Variants in TRIM49C observed in about 807,000 individuals in gnomAD.
The protein encoded by TRIM49C is tripartite motif containing 49C, also known as tripartite motif-containing protein 49C.
Under a neutral mutation model 21.4 loss-of-function variants are expected in TRIM49C, and 6 were observed. The ratio of observed to expected loss-of-function variants is 0.28; its 90% CI spans 0.15 to 0.55. The LOEUF (loss-of-function observed/expected upper bound fraction) is 0.55, where lower values mean the gene tolerates loss of function less well. Among genes scored for constraint, TRIM49C ranks in the 20% least tolerant of loss-of-function variants. TRIM49C has a pLI of 0.94. For synonymous variants in TRIM49C, 57 were observed against 148.1 expected (o/e 0.38, Z 4.47); for missense variants, 161 against 442.4 (o/e 0.36, Z 5.71).
the TRIM49C span, chr11:90,053,869 T>C: frequency 1.4e-5 from 2 of 144,286 alleles, no homozygotes; most frequent in African/African-American, 5.1e-5. Flanking sequence ...CTCCCTTCTT[T>C]TACATTATTA....
the TRIM49C span, chr11:90,053,325 T>G: frequency 6.9e-6 from 1 of 145,248 alleles, no homozygotes; most frequent in African/African-American, 2.5e-5. Context: ...CTCCCTGTCC[T>G]GCCAGTTGAC....
the TRIM49C span, among the ~76,000 whole-genome samples, chr11:90,066,738 TATA>T: frequency 7.7e-6 from 1 of 129,958 alleles, no homozygotes; most frequent in Admixed American, 9.6e-5. Context: ...TTAAAAATTA[TATA>T]ATAATTATTT....
At chr11:90,045,905 TG>T (rs1950798533), downstream of TRIM49C, among the ~76,000 whole-genome samples, 3 of 120,592 alleles carry the variant, frequency 2.5e-5, 1 homozygote, top group South Asian at 9.3e-4. Context: ...TGATATTTAT[TG>T]GCTGTGGGAT....
At chr11:90,046,517 TG>T (rs528182717), downstream of TRIM49C, among the ~76,000 whole-genome samples, 76 of 123,330 alleles carry the variant, frequency 6.2e-4, 15 homozygotes, top group Non-Finnish European at 1.0e-3. Flanking sequence ...GGAGAGTGTA[TG>T]TGTCCATTTC....
At chr11:90,051,814 C>T in the TRIM49C span, 1 of 342,434 alleles carries the variant, frequency 2.9e-6, no homozygotes, top group East Asian at 6.0e-5. Flanking sequence ...CCCTCAAACC[C>T]CGTGTCAAGC....
At chr11:90,066,868 A>T in the TRIM49C span, among the ~76,000 whole-genome samples, 4 of 137,860 alleles carry the variant, frequency 2.9e-5, no homozygotes, top group Admixed American at 3.4e-4. Context: ...CCGAGGTTCA[A>T]GTGATTCTCC....
rs1231947639 is a variant in TRIM49C, at chr11:90,033,362, C to T, written c.-5+780C>T. Among the ~76,000 whole-genome samples the T allele has an allele frequency of 1.5e-5, 2 of 134,338 alleles. 1 individual carries two copies. The highest frequency in any genetic ancestry group is 3.2e-5 in the Non-Finnish European group (2 of 62,302). 88.1% of individuals were successfully genotyped at this position (134,338 alleles called of 152,430 possible). A position where few individuals can be genotyped will look rare whatever the true frequency, so the allele number is the denominator to read the frequency against. The stretch of plus-strand genomic sequence containing the variant: ...TCCAGACAGAACCATAGGATGTATA[C>T]ATATATGTGTGCAGATACATTCATG... On this transcript the variant is annotated intron_variant, in intron 2 of 7. Transcript: ENST00000448984.
intron 7 of TRIM49C, 47 bp from the exon 8 acceptor site, chr11:90,041,004 A>C (rs1248565446): frequency 6.8e-7 from 1 of 1,461,648 alleles, no homozygotes; most frequent in African/African-American, 1.5e-5. Context: ...TTTTTTTCTT[A>C]TTTACACATG....
chr11:90,048,993 C>T, the TRIM49C span, among the ~76,000 whole-genome samples: 3 of 127,194 alleles, frequency 2.4e-5, 1 homozygote, highest in Admixed American at 2.6e-4. Context: ...CAGTCAGGAC[C>T]CTCAGCTGCA....
At chr11:90,052,515 G>A in the TRIM49C span, 2 of 171,098 alleles carry the variant, frequency 1.2e-5, 1 homozygote, top group East Asian at 3.6e-4. Flanking sequence ...TCTGCAGGCA[G>A]GCAGTTTTTG....
At chr11:90,056,255 C>G in the TRIM49C span, among the ~76,000 whole-genome samples, 3 of 137,892 alleles carry the variant, frequency 2.2e-5, 1 homozygote, top group Non-Finnish European at 3.2e-5. Flanking sequence ...CCACCGCGCC[C>G]AGCCCATCTG....
chr11:90,071,342 C>T, the TRIM49C span, among the ~76,000 whole-genome samples: 2 of 141,030 alleles, frequency 1.4e-5, 1 homozygote, highest in South Asian at 4.8e-4. Flanking sequence ...TTACCTATGC[C>T]TCTTATCAGA....
At chr11:90,037,050 T>C (rs1431168393) in intron 4 of TRIM49C, among the ~76,000 whole-genome samples, 2 of 97,028 alleles carry the variant, frequency 2.1e-5, no homozygotes, top group Non-Finnish European at 4.2e-5. Flanking sequence ...TATGTATGTA[T>C]GTGTGTGTGG....
rs1382054340 is a variant in TRIM49C at position 90,037,810 on chromosome 11, A to G, written c.569A>G (p.His190Arg). The G allele has an allele frequency of 3.3e-6, 1 of 302,732 alleles. No homozygotes were observed. The highest frequency in any genetic ancestry group is 3.0e-5 in the South Asian group (1 of 32,882). 18.8% of individuals were successfully genotyped at this position (302,732 alleles called of 1,614,324 possible). A position where few individuals can be genotyped will look rare whatever the true frequency, so the allele number is the denominator to read the frequency against. Residue 190 changes from histidine to arginine, a missense_variant, in exon 5 of 8, where the codon CAT becomes CGT. Transcript: ENST00000448984. ...GAGTATCAGAAGATGCCTGCATTTC[A>G]TCATGAAGAAGAAAAACATAATTTG... ...RAEYQKMPAF[H>R]HEEEKHNLEM... is the part of the protein sequence containing the mutation.
chr11:90,046,924 T>C (rs571374618), downstream of TRIM49C, among the ~76,000 whole-genome samples: 50 of 125,930 alleles, frequency 4.0e-4, 7 homozygotes, highest in South Asian at 0.013. Flanking sequence ...AATTTCCCTC[T>C]ACACACTGCT....
downstream of TRIM49C, among the ~76,000 whole-genome samples, chr11:90,042,190 C>T (rs1638364805): frequency 6.9e-6 from 1 of 145,830 alleles, no homozygotes; most frequent in Admixed American, 6.8e-5. Flanking sequence ...TGACTCCTAC[C>T]TCAAACCATA....
intron 1 of TRIM49C, among the ~76,000 whole-genome samples, chr11:90,031,736 T>A (rs1402577953): frequency 6.6e-6 from 1 of 150,458 alleles, no homozygotes; most frequent in African/African-American, 2.4e-5. Flanking sequence ...TTTATTTGGT[T>A]AATCAGTGAT....
At chr11:90,039,414 CTG>C (rs367560296) in intron 6 of TRIM49C, among the ~76,000 whole-genome samples, 1 of 128,724 alleles carries the variant, frequency 7.8e-6, no homozygotes, top group Non-Finnish European at 1.6e-5. Flanking sequence ...TTGAAAAAAA[CTG>C]TGGAGTGTTA....
At chr11:90,043,911 A>C (rs1285894117), downstream of TRIM49C, among the ~76,000 whole-genome samples, 1 of 80,910 alleles carries the variant, frequency 1.2e-5, no homozygotes. Flanking sequence ...ATATCTCCCA[A>C]TGCTATCCCT....
Sources: allele counts gnomAD v4.1 joint callset (sites outside exome capture counted in the v4.1 genomes callset), GRCh38; gene constraint gnomAD v4.1.1; transcripts MANE v1.5; gene names NCBI Gene and HGNC (gene_info 2026-07-23, HGNC 2026-07-21).